The following FAT3 variants were observed in gnomAD, a reference collection of about 807,000 sequenced individuals.
FAT3 encodes FAT atypical cadherin 3.
Under a neutral mutation model 310.2 loss-of-function variants are expected in FAT3, and 95 were observed. The ratio of observed to expected loss-of-function variants is 0.31; its 90% CI spans 0.26 to 0.36. FAT3 has a LOEUF of 0.36. Ranked by LOEUF, FAT3 falls within the 10% of genes least tolerant of loss-of-function variation. The pLI is 1.00. For missense variants in FAT3, 5,408 were observed against 5,715.6 expected, an observed-to-expected ratio of 0.95 and a Z score of 1.74; for synonymous variants, 2,314 against 2,192.9, an observed-to-expected ratio of 1.06 and a Z score of -1.54.
chr11:92,293,585 A>G (rs1343060693), intron 1 of FAT3, among the ~76,000 whole-genome samples: 1 of 144,110 alleles, frequency 6.9e-6, no homozygotes, highest in African/African-American at 2.6e-5. Flanking sequence ...TTCAATATAC[A>G]GTGCATATTC....
rs58624051 is a variant in FAT3, at chr11:92,882,728, G to A, written c.12282-10G>A. 5.6e-3 allele frequency: 8,902 copies of A among 1,582,902 alleles called. 467 individuals carry two copies. The African/African-American group carries it at 0.11, about 19-fold the overall frequency. ...CCTGACGGTGGGGAGGGGCTTCTGT[G>A]TCGCCGCAGGTGTGAGGAGGACATC... On this transcript the variant is annotated splice_polypyrimidine_tract_variant and intron_variant, in intron 23 of 27. Coordinates refer to ENST00000525166, the MANE Select transcript of FAT3 (RefSeq NM_001367949.2).
At chr11:92,262,017 G>A (rs1205999234) in intron 1 of FAT3, among the ~76,000 whole-genome samples, 3 of 150,434 alleles carry the variant, frequency 2.0e-5, no homozygotes, top group Non-Finnish European at 4.4e-5. Flanking sequence ...GAGGTCTCTC[G>A]AACAATAAAT....
chr11:92,752,055 G>A (rs905026013), intron 4 of FAT3, among the ~76,000 whole-genome samples: 1 of 152,158 alleles, frequency 6.6e-6, no homozygotes, highest in Admixed American at 6.5e-5. Flanking sequence ...AGCACATAAT[G>A]TTTTAGACCA....
rs184707410 is a variant in FAT3 at position 92,887,123 on chromosome 11, C to T, written c.13051+10C>T. The T allele has an allele frequency of 4.8e-5, 77 of 1,602,552 alleles. No homozygotes were observed. The African/African-American group carries it at 9.9e-4, about 21-fold the overall frequency. On this transcript the variant is annotated intron_variant, in intron 25 of 27. Coordinates refer to ENST00000525166, the MANE Select transcript of FAT3 (RefSeq NM_001367949.2). ...TCTGGTGACGACAATGGTAAGAAGTCATCAGATTTGTTCGGAGCGGGTGGG... is the reference window on the plus strand; with the variant it reads ...TCTGGTGACGACAATGGTAAGAAGTTATCAGATTTGTTCGGAGCGGGTGGG...
intron 1 of FAT3, among the ~76,000 whole-genome samples, chr11:92,341,844 T>C (rs1189073231): frequency 6.6e-6 from 1 of 152,240 alleles, no homozygotes; most frequent in Non-Finnish European, 1.5e-5. Flanking sequence ...TCTTGCATAA[T>C]TATTTTCTCC....
At chr11:92,523,216 GTACC>G (rs947396983) in intron 2 of FAT3, among the ~76,000 whole-genome samples, 4 of 151,968 alleles carry the variant, frequency 2.6e-5, no homozygotes, top group South Asian at 2.1e-4. Context: ...CTATTGTCTA[GTACC>G]TATTCCTCTA....
At chr11:92,428,498 G>A in intron 2 of FAT3, among the ~76,000 whole-genome samples, 1 of 152,056 alleles carries the variant, frequency 6.6e-6, no homozygotes, top group East Asian at 1.9e-4. Flanking sequence ...TAGATCTTCT[G>A]CACTTTCTCC....
chr11:92,821,998 G>C (rs1298003026), intron 13 of FAT3, among the ~76,000 whole-genome samples: 2 of 152,262 alleles, frequency 1.3e-5, no homozygotes, highest in Non-Finnish European at 2.9e-5. Context: ...TAGAAAGTCT[G>C]GGAGAGAGCT....
At chr11:92,777,403 A>G (rs1325893967) in intron 7 of FAT3, among the ~76,000 whole-genome samples, 1 of 152,160 alleles carries the variant, frequency 6.6e-6, no homozygotes, top group Non-Finnish European at 1.5e-5. Context: ...CAGAGCTACA[A>G]TATCTAATGA....
chr11:92,422,674 G>A (rs1005273509), intron 2 of FAT3, among the ~76,000 whole-genome samples: 2 of 152,018 alleles, frequency 1.3e-5, no homozygotes, highest in East Asian at 3.9e-4. Context: ...GGTGTAGAAG[G>A]GGGTGTAGTA....
At chr11:92,841,485 T>C (rs1294609502) in intron 18 of FAT3, among the ~76,000 whole-genome samples, 1 of 152,230 alleles carries the variant, frequency 6.6e-6, no homozygotes, top group African/African-American at 2.4e-5. Flanking sequence ...CATTGTCTCT[T>C]TGGATAAATT....
At chr11:92,229,510 T>TTTTTTTTTTTTTTTTTTTTTTTTTTTC (rs1440088788) in intron 1 of FAT3, among the ~76,000 whole-genome samples, 1 of 77,142 alleles carries the variant, frequency 1.3e-5, no homozygotes, top group African/African-American at 4.0e-5. Flanking sequence ...TTTTTTTGTT[T>TTTTTTTTTTTTTTTTTTTTTTTTTTTC]TTTGTTTTTT....
At chr11:92,747,490 G>T (rs987477538) in intron 4 of FAT3, among the ~76,000 whole-genome samples, 31 of 152,218 alleles carry the variant, frequency 2.0e-4, no homozygotes, top group African/African-American at 7.5e-4. Flanking sequence ...GGAAGGGGCT[G>T]CCTTGAAGGC....
At chr11:92,822,712 C>G (rs1948000523) in intron 13 of FAT3, among the ~76,000 whole-genome samples, 1 of 152,196 alleles carries the variant, frequency 6.6e-6, no homozygotes, top group East Asian at 1.9e-4. Context: ...GCTAATTTAT[C>G]CATTAACTTA....
chr11:92,375,592 A>C (rs1949319962), intron 2 of FAT3, among the ~76,000 whole-genome samples: 1 of 152,292 alleles, frequency 6.6e-6, no homozygotes, highest in Middle Eastern at 3.4e-3. Flanking sequence ...ACTTGTAAAC[A>C]TGGGTACTAT....
chr11:92,489,026 G>A (rs1030503058), intron 2 of FAT3, among the ~76,000 whole-genome samples: 7 of 152,138 alleles, frequency 4.6e-5, no homozygotes, highest in Non-Finnish European at 7.3e-5. Context: ...AATAAGGTAA[G>A]TGCATAGTAC....
At chr11:92,645,780 T>A (rs551015352) in intron 3 of FAT3, among the ~76,000 whole-genome samples, 1 of 152,350 alleles carries the variant, frequency 6.6e-6, no homozygotes, top group African/African-American at 2.4e-5. Flanking sequence ...TAACATTATT[T>A]GTTTTCATGT....
At chr11:92,235,335 A>G (rs1864374065) in intron 1 of FAT3, among the ~76,000 whole-genome samples, 1 of 152,008 alleles carries the variant, frequency 6.6e-6, no homozygotes, top group Admixed American at 6.6e-5. Context: ...TCCTGAAGGT[A>G]TTGCTTACAC....
intron 2 of FAT3, among the ~76,000 whole-genome samples, chr11:92,478,944 CTTTCTTTCTTTTCT>C (rs897571801): frequency 1.3e-5 from 1 of 74,478 alleles, no homozygotes; most frequent in African/African-American, 4.9e-5. Context: ...CTCTTTCTTT[CTTTCTTTCTTTTCT>C]TTTCTTTTCT....
Sources: gnomAD v4.1 joint callset for allele counts (sites outside exome capture counted in the v4.1 genomes callset) on GRCh38, gnomAD v4.1.1 for gene constraint, MANE v1.5 for transcripts, NCBI Gene and HGNC (gene_info 2026-07-23, HGNC 2026-07-21) for gene names.